SNX7: variants seen among roughly 807,000 people sequenced by gnomAD.
SNX7 encodes the protein sorting nexin-7.
A neutral mutation model predicts 48.4 loss-of-function variants in SNX7; 35 were observed. The ratio of observed to expected loss-of-function variants is 0.72; its 90% confidence interval spans 0.55 to 0.96. SNX7 has a LOEUF of 0.96. Among genes scored for constraint, SNX7 ranks in the 40% least tolerant of loss-of-function variants. SNX7 has a pLI of 0.00. For synonymous variants in SNX7, 190 were observed against 190.2 expected, an observed-to-expected ratio of 1.00 and a Z score of 0.01; for missense variants, 553 against 548.9, an observed-to-expected ratio of 1.01 and a Z score of -0.07.
chr1:98,692,176 T>A (rs1248868954), intron 4 of SNX7, among the ~76,000 whole-genome samples: 1 of 152,116 alleles, frequency 6.6e-6, no homozygotes, highest in Non-Finnish European at 1.5e-5. Flanking sequence ...GCCTTAACTG[T>A]AACATAAACA....
chr1:98,739,241 C>T (rs771157598), intron 8 of SNX7, among the ~76,000 whole-genome samples: 19 of 152,078 alleles, frequency 1.2e-4, no homozygotes, highest in Non-Finnish European at 2.4e-4. Context: ...GGGAGTAGAG[C>T]TCAGGCAGTA....
At chr1:98,682,095 T>C (rs914595789) in intron 1 of SNX7, among the ~76,000 whole-genome samples, 9 of 82,854 alleles carry the variant, frequency 1.1e-4, no homozygotes, top group Admixed American at 4.9e-4. Context: ...TTTGTCCTTC[T>C]TTTACTTCCT....
At chr1:98,680,305 G>C (rs1650409779) in intron 1 of SNX7, among the ~76,000 whole-genome samples, 1 of 152,090 alleles carries the variant, frequency 6.6e-6, no homozygotes, top group South Asian at 2.1e-4. Context: ...CACAGTATGG[G>C]GACCCTGAGC....
chr1:98,664,975 A>T (rs1200172288), intron 1 of SNX7, among the ~76,000 whole-genome samples: 1 of 152,208 alleles, frequency 6.6e-6, no homozygotes, highest in African/African-American at 2.4e-5. Context: ...TAACTGGAGA[A>T]AAAGGGCCAG....
rs1330239692 is a variant in SNX7, at chr1:98,684,992, C to T, written c.288C>T (p.Leu96=). The change falls in exon 2 of 9, where the codon CTC becomes CTT. Residue 96 remains leucine (L), a synonymous_variant. Transcript: ENST00000306121. The part of the protein sequence containing the change: ...KFEDEPDLKD[L]FITVDEPESH... ...AGGATGAACCAGATTTAAAGGATCT[C>T]TTCATCACAGTTGATGAACCTGAAA... The T allele has an allele frequency of 6.3e-7, 1 of 1,596,112 alleles. No homozygotes were observed. Among genetic ancestry groups the T allele is most frequent in the Non-Finnish European group, 8.5e-7 (1 of 1,170,072 alleles).
At chr1:98,731,023 T>TA (rs1405415372) in intron 7 of SNX7, among the ~76,000 whole-genome samples, 2 of 152,078 alleles carry the variant, frequency 1.3e-5, no homozygotes, top group Non-Finnish European at 2.9e-5. Context: ...TAATGCATAC[T>TA]AGGCTTAATA....
At chr1:98,691,986 T>A (rs1651168118) in intron 4 of SNX7, among the ~76,000 whole-genome samples, 1 of 151,170 alleles carries the variant, frequency 6.6e-6, no homozygotes. Context: ...TATGTCAGGG[T>A]GCTTCTTGCA....
chr1:98,758,277 A>T (rs957202053), intron 8 of SNX7, among the ~76,000 whole-genome samples: 19 of 152,036 alleles, frequency 1.2e-4, no homozygotes, highest in African/African-American at 4.3e-4. Flanking sequence ...GAGTATAGAC[A>T]TTTGGATACA....
chr1:98,672,934 A>G (rs1046981650), intron 1 of SNX7, among the ~76,000 whole-genome samples: 1 of 67,158 alleles, frequency 1.5e-5, no homozygotes, highest in Non-Finnish European at 4.0e-5. Context: ...CCGTCTCAAA[A>G]AAAAAAAAAA....
At chr1:98,702,405 A>G (rs922871921) in intron 7 of SNX7, among the ~76,000 whole-genome samples, 49 of 152,154 alleles carry the variant, frequency 3.2e-4, no homozygotes, top group African/African-American at 1.2e-3. Context: ...ATGAGATCTA[A>G]TAATACAATG....
intron 1 of SNX7, among the ~76,000 whole-genome samples, chr1:98,676,594 T>G (rs2100923058): frequency 6.6e-6 from 1 of 152,336 alleles, no homozygotes; most frequent in East Asian, 1.9e-4. Context: ...AGAGCTAAAC[T>G]TTTTGTGGGA....
At chr1:98,751,899 A>G (rs940476643) in intron 8 of SNX7, among the ~76,000 whole-genome samples, 5 of 152,146 alleles carry the variant, frequency 3.3e-5, no homozygotes, top group Non-Finnish European at 5.9e-5. Context: ...CTCCCATGAT[A>G]GTATGAGAAT....
chr1:98,742,484 G>A (rs1319820898), intron 8 of SNX7, among the ~76,000 whole-genome samples: 1 of 152,032 alleles, frequency 6.6e-6, no homozygotes. Flanking sequence ...TACGCAGTTT[G>A]TCGTTAAGTG....
At chr1:98,696,240 T>TC (rs1651450944) in intron 5 of SNX7, among the ~76,000 whole-genome samples, 2 of 151,986 alleles carry the variant, frequency 1.3e-5, no homozygotes, top group South Asian at 4.1e-4. Flanking sequence ...GATGATTTTT[T>TC]CCCCTAATTT....
intron 1 of SNX7, among the ~76,000 whole-genome samples, chr1:98,683,376 A>G (rs1650608355): frequency 6.6e-6 from 1 of 152,150 alleles, no homozygotes; most frequent in South Asian, 2.1e-4. Context: ...AGATCAGCTA[A>G]GAGAGGAAAC....
chr1:98,712,965 C>T (rs1433777887), intron 7 of SNX7, among the ~76,000 whole-genome samples: 1 of 152,026 alleles, frequency 6.6e-6, no homozygotes, highest in Non-Finnish European at 1.5e-5. Flanking sequence ...GTGGCACATG[C>T]CTGTAATGCC....
At chr1:98,722,075 A>G (rs1361099489) in intron 7 of SNX7, among the ~76,000 whole-genome samples, 1 of 152,036 alleles carries the variant, frequency 6.6e-6, no homozygotes, top group Non-Finnish European at 1.5e-5. Flanking sequence ...AAAAAATTAT[A>G]ATCATGATTT....
intron 4 of SNX7, among the ~76,000 whole-genome samples, chr1:98,692,558 T>TA (rs1651200190): frequency 6.6e-6 from 1 of 152,062 alleles, no homozygotes; most frequent in African/African-American, 2.4e-5. Context: ...ATAAAAAAAA[T>TA]ACATGGGAAC....
intron 7 of SNX7, among the ~76,000 whole-genome samples, chr1:98,737,045 T>C (rs905048028): frequency 7.9e-5 from 12 of 151,852 alleles, no homozygotes; most frequent in Admixed American, 4.6e-4. Flanking sequence ...ACTCACTGCT[T>C]CTCTAACCTC....
Sources: allele counts gnomAD v4.1 joint callset (sites outside exome capture counted in the v4.1 genomes callset), GRCh38; gene constraint gnomAD v4.1.1; transcripts MANE v1.5; gene names NCBI Gene and HGNC (gene_info 2026-07-23, HGNC 2026-07-21).